Variants in PIK3R5 observed in about 807,000 individuals in gnomAD.
PIK3R5 encodes the protein phosphoinositide-3-kinase regulatory subunit 5, also known as phosphoinositide 3-kinase regulatory subunit 5.
Under a neutral mutation model 94.9 loss-of-function variants are expected in PIK3R5, and 32 were observed. The ratio of observed to expected loss-of-function variants is 0.34; its 90% CI spans 0.25 to 0.45. PIK3R5 has a LOEUF of 0.45. Among genes scored for constraint, PIK3R5 ranks in the 20% least tolerant of loss-of-function variants. The probability of loss-of-function intolerance (pLI) is 1.00; values close to 1 mark genes in which losing one functional copy is unlikely to be tolerated. For synonymous variants in PIK3R5, 443 were observed against 479.4 expected, an observed-to-expected ratio of 0.92 and a Z score of 0.99; for missense variants, 853 against 1,144.6, an observed-to-expected ratio of 0.75 and a Z score of 3.68.
intron 14 of PIK3R5, chr17:8,885,002 G>C: frequency 1.8e-6 from 1 of 552,378 alleles, no homozygotes; most frequent in South Asian, 2.1e-5. Context: ...GCCCATCTCC[G>C]CTGTGATCAC....
At chr17:8,948,589 G>C (rs1597430915) in intron 1 of PIK3R5, among the ~76,000 whole-genome samples, 1 of 152,098 alleles carries the variant, frequency 6.6e-6, no homozygotes, top group Admixed American at 6.5e-5. Flanking sequence ...AGTCAGAAGG[G>C]AAGTGCACAT....
At chr17:8,943,722 G>T (rs1019181752) in intron 1 of PIK3R5, among the ~76,000 whole-genome samples, 2 of 152,050 alleles carry the variant, frequency 1.3e-5, no homozygotes, top group Non-Finnish European at 2.9e-5. Context: ...GCAGTGAGCC[G>T]AGATTGTGCC....
Position 8,882,624 on chromosome 17 carries a change from C to T in PIK3R5, c.2206-743G>A, listed in dbSNP as rs1478459902. The stretch of plus-strand genomic sequence containing the variant: ...GCCAGCCGTCTATTCTCACTGTCTC[C>T]TTATACCTCTCAAGGCCTCTCAACC... On this transcript the variant is annotated intron_variant, in intron 15 of 18. Coordinates refer to ENST00000447110, the MANE Select transcript of PIK3R5 (RefSeq NM_001142633.3). The surrounding 1 kb of genome is among the most constrained non-coding windows in gnomAD (Gnocchi z 4.1). The T allele has an allele frequency of 6.5e-6, 1 of 152,752 alleles. No homozygotes were observed. The highest frequency in any genetic ancestry group is 1.5e-5 in the Non-Finnish European group (1 of 68,490). 9.5% of individuals were successfully genotyped at this position (152,752 alleles called of 1,614,324 possible).
At position 8,889,561 on chromosome 17, in the gene PIK3R5, G is replaced by A. The variant is rs2089971430; in HGVS notation, c.812-339C>T. Among the ~76,000 whole-genome samples the A allele has an allele frequency of 6.6e-6, 1 of 152,194 alleles. No homozygotes were observed. Among genetic ancestry groups the A allele is most frequent in the South Asian group, 2.1e-4 (1 of 4,832 alleles). On this transcript the variant is annotated intron_variant, in intron 8 of 18. Coordinates refer to ENST00000447110, the MANE Select transcript of PIK3R5 (RefSeq NM_001142633.3). This position sits in a 1 kb window ranked among gnomAD's most constrained non-coding sequence, Gnocchi z 4.1. ...AATATTGTAACAGGGAATGCTAATG[G>A]TTCCTCAAAGTCTGTGCTCCCTTCT...
At chr17:8,939,445 A>G (rs956235038) in intron 1 of PIK3R5, among the ~76,000 whole-genome samples, 2 of 152,224 alleles carry the variant, frequency 1.3e-5, no homozygotes, top group Admixed American at 6.5e-5. Flanking sequence ...CTATTTTTAA[A>G]TCATCAGATT....
intron 1 of PIK3R5, among the ~76,000 whole-genome samples, chr17:8,942,022 C>T (rs570444164): frequency 3.9e-5 from 6 of 152,140 alleles, no homozygotes; most frequent in South Asian, 2.1e-4. Flanking sequence ...CTCAGGGGGC[C>T]GGGTTTCCTT....
Position 8,926,432 on chromosome 17 carries a change from A to G in PIK3R5, c.-13-14925T>C, listed in dbSNP as rs969462395. On this transcript the variant is annotated intron_variant, in intron 1 of 18. Transcript: ENST00000447110. Reference sequence around the variant, plus strand: ...AAACTACCCGTATTAGTCCATTTTCATGCTGCTGATAAAGACATACCTGAG... The same window carrying G: ...AAACTACCCGTATTAGTCCATTTTCGTGCTGCTGATAAAGACATACCTGAG... Among the ~76,000 whole-genome samples the G allele has an allele frequency of 4.6e-5, 7 of 152,222 alleles. No individual in the cohort carries two copies. The East Asian group carries it at 1.3e-3, about 29-fold the overall frequency.
intron 1 of PIK3R5, among the ~76,000 whole-genome samples, chr17:8,961,921 C>A (rs2091573800): frequency 6.6e-6 from 1 of 152,352 alleles, no homozygotes; most frequent in Admixed American, 6.5e-5. Context: ...ATCTGGAAGT[C>A]ACTTAACCGA....
intron 11 of PIK3R5, 88 bp from the exon 12 acceptor site, chr17:8,887,309 C>T: frequency 6.5e-7 from 1 of 1,529,628 alleles, no homozygotes; most frequent in Non-Finnish European, 8.9e-7. Context: ...CCTGCAGCCC[C>T]ATGCTGAGCT....
At chr17:8,908,957 CCT>C in intron 3 of PIK3R5, 115 bp downstream of exon 3, 1 of 641,956 alleles carries the variant, frequency 1.6e-6, no homozygotes, top group Non-Finnish European at 2.8e-6. Flanking sequence ...GTTCCCAGGG[CCT>C]TTGCCCAGCC....
chr17:8,893,874 T>C lies in PIK3R5; in HGVS notation c.413-219A>G. ...CACGAGTCATATCCCCACCTCCACC[T>C]CCAACACCAAAACTCGGTCCTGGGC... is the stretch of plus-strand genomic sequence containing the variant. On this transcript the variant is annotated intron_variant, in intron 5 of 18. Coordinates refer to ENST00000447110, the MANE Select transcript of PIK3R5 (RefSeq NM_001142633.3). The surrounding 1 kb of genome is among the most constrained non-coding windows in gnomAD (Gnocchi z 5.1). The C allele has an allele frequency of 2.3e-6, 1 of 432,196 alleles. No individual in the cohort carries two copies. Among genetic ancestry groups the C allele is most frequent in the Non-Finnish European group, 4.2e-6 (1 of 236,366 alleles). 26.8% of individuals were successfully genotyped at this position (432,196 alleles called of 1,614,324 possible). A position where few individuals can be genotyped will look rare whatever the true frequency, so the allele number is the denominator to read the frequency against.
At chr17:8,965,203 G>C (rs2091647218) in intron 1 of PIK3R5, among the ~76,000 whole-genome samples, 1 of 152,218 alleles carries the variant, frequency 6.6e-6, no homozygotes, top group Admixed American at 6.5e-5. Flanking sequence ...GGTTCTGACG[G>C]CACAAGAGCC....
In PIK3R5 at chr17:8,881,034, G is replaced by A; in HGVS notation, c.2383-17C>T. The A allele has an allele frequency of 6.3e-7, 1 of 1,597,124 alleles. No individual in the cohort carries two copies. Among genetic ancestry groups the A allele is most frequent in the Non-Finnish European group, 8.6e-7 (1 of 1,164,504 alleles). ...TGTGCTAATCTGGAAGGAAGGCCCA[G>A]GTCAGCCCCAAATCCCTGGCCATCC... is the stretch of plus-strand genomic sequence containing the variant. On this transcript the variant is annotated splice_polypyrimidine_tract_variant and intron_variant, in intron 17 of 18. Coordinates refer to ENST00000447110, the MANE Select transcript of PIK3R5 (RefSeq NM_001142633.3). This position sits in a 1 kb window ranked among gnomAD's most constrained non-coding sequence, Gnocchi z 4.8.
At chr17:8,902,325 G>A (rs1444664653) in intron 5 of PIK3R5, among the ~76,000 whole-genome samples, 4 of 126,992 alleles carry the variant, frequency 3.1e-5, no homozygotes, top group African/African-American at 9.1e-5. Context: ...GCACGATCTT[G>A]ACTCACTGCA....
At chr17:8,901,630 C>G (rs1567644734) in intron 5 of PIK3R5, among the ~76,000 whole-genome samples, 2 of 152,106 alleles carry the variant, frequency 1.3e-5, no homozygotes, top group African/African-American at 4.8e-5. Context: ...TTAAACGCTG[C>G]CAGTACTAAA....
rs757911689 is a variant in PIK3R5, at chr17:8,880,972, A to G, written c.2428T>C (p.Ser810Pro). ...CACACAGCAAAGGGGCAGCTGTTGG[A>G]GCCGATGATCTGCACCTTGTCCACT... The part of the protein sequence containing the change: ...IKVDKVQIIG[S>P]NSCPFAVCLD... Residue 810 changes from serine (S) to proline (P), a missense_variant, in exon 18 of 19, where the codon TCC becomes CCC. By Grantham distance (74) the Ser-to-Pro change is moderately conservative (BLOSUM62 -1). Around this residue, in one of 6 missense-constraint regions of PIK3R5, gnomAD observed 91 missense variants for 90.5 expected, o/e 1.01. Transcript: ENST00000447110. 1 of 1,614,088 alleles carries G rather than the reference A, an allele frequency of 6.2e-7. No individual in the cohort carries two copies.
Position 8,911,307 on chromosome 17 carries a change from A to C in PIK3R5, c.103+85T>G. On this transcript the variant is annotated intron_variant, in intron 2 of 18. Transcript: ENST00000447110. The surrounding 1 kb of genome is among the most constrained non-coding windows in gnomAD (Gnocchi z 5.3). ...GACAGGGTTTCACCTAGAATTTGCC[A>C]GTTTCCATGCCTGGTCCAGTGCCCA... 9.4e-7 allele frequency: 1 copy of C among 1,065,330 alleles called. No individual in the cohort carries two copies. The highest frequency in any genetic ancestry group is 1.3e-5 in the South Asian group (1 of 75,706). The allele number at this position is 1,065,330 out of a possible 1,614,324, so 66.0% of individuals were successfully genotyped here.
intron 1 of PIK3R5, among the ~76,000 whole-genome samples, chr17:8,946,357 C>T (rs895378611): frequency 4.0e-5 from 6 of 151,810 alleles, no homozygotes; most frequent in Non-Finnish European, 5.9e-5. Flanking sequence ...ATTACTGTGA[C>T]ACCATCCACC....
chr17:8,900,996 C>T (rs1040330311), intron 5 of PIK3R5, among the ~76,000 whole-genome samples: 2 of 152,168 alleles, frequency 1.3e-5, no homozygotes, highest in Non-Finnish European at 2.9e-5. Context: ...CCTGCCAAGA[C>T]ATTTGCATTT....
Sources: gnomAD v4.1 joint callset for allele counts (sites outside exome capture counted in the v4.1 genomes callset) on GRCh38, gnomAD v4.1.1 for gene constraint, gnomAD v4.1.1 regional missense constraint, Gnocchi (gnomAD v3.1) non-coding constraint, MANE v1.5 for transcripts, NCBI Gene and HGNC (gene_info 2026-07-23, HGNC 2026-07-21) for gene names.